Variants in PAPOLA observed in about 807,000 individuals in gnomAD.
The protein encoded by PAPOLA is polynucleotide adenylyltransferase alpha.
PAPOLA carries 15 observed loss-of-function variants against 100.6 expected under a neutral mutation model. The ratio of observed to expected loss-of-function variants is 0.15; its 90% confidence interval spans 0.10 to 0.23. PAPOLA has a LOEUF of 0.23. PAPOLA is among the 10% of genes least tolerant of loss of function. PAPOLA has a pLI of 1.00. For missense variants in PAPOLA, 533 were observed against 884.2 expected, an observed-to-expected ratio of 0.60 and a Z score of 5.04; for synonymous variants, 293 against 300.0, an observed-to-expected ratio of 0.98 and a Z score of 0.24.
chr14:96,506,126 T>C (rs1297180960), intron 1 of PAPOLA, among the ~76,000 whole-genome samples: 9 of 152,126 alleles, frequency 5.9e-5, no homozygotes, highest in Non-Finnish European at 1.2e-4. Flanking sequence ...ATGGTCTCGA[T>C]TTCCTGACCT....
intron 9 of PAPOLA, 108 bp downstream of exon 9, chr14:96,532,757 A>G: frequency 7.0e-7 from 1 of 1,431,708 alleles, no homozygotes; most frequent in Non-Finnish European, 9.1e-7. Flanking sequence ...TTAGTTCATG[A>G]TGTAGTCATG....
chr14:96,527,357 T>G (rs1203846478), intron 4 of PAPOLA, 73 bp from the exon 5 acceptor site: 1 of 876,778 alleles, frequency 1.1e-6, no homozygotes, highest in African/African-American at 1.7e-5. Flanking sequence ...CAACATCAAA[T>G]ACTACCATGA....
At chr14:96,512,205 T>C (rs1566833101) in intron 1 of PAPOLA, among the ~76,000 whole-genome samples, 1 of 152,190 alleles carries the variant, frequency 6.6e-6, no homozygotes, top group East Asian at 1.9e-4. Context: ...TTTTACGGTC[T>C]CAATTCTGCT....
chr14:96,555,870 T>C lies in PAPOLA; in HGVS notation c.1688T>C (p.Val563Ala), dbSNP rs866083850. The C allele has an allele frequency of 6.2e-7, 1 of 1,605,474 alleles. No individual in the cohort carries two copies. Among genetic ancestry groups the C allele is most frequent in the Non-Finnish European group, 8.5e-7 (1 of 1,173,176 alleles). ...AGCAGAAACAGTCCTGCTCCAGCTG[T>C]AACAGCAGCATCTGTGACCAACATA... The part of the protein sequence containing the change: ...SQGRNSPAPA[V>A]TAASVTNIQA... Residue 563 changes from valine (V) to alanine (A), a missense_variant, in exon 18 of 22, where the codon GTA (valine) becomes GCA (alanine). Around this residue, in one of 9 missense-constraint regions of PAPOLA, gnomAD observed 242 missense variants for 281.0 expected, o/e 0.86. Coordinates refer to ENST00000216277, the MANE Select transcript of PAPOLA (RefSeq NM_032632.5).
At chr14:96,503,664 T>C (rs1209234305) in intron 1 of PAPOLA, among the ~76,000 whole-genome samples, 1 of 152,228 alleles carries the variant, frequency 6.6e-6, no homozygotes, top group East Asian at 1.9e-4. Flanking sequence ...ACGCAACATG[T>C]AATTGACACT....
At chr14:96,554,884 A>G (rs1901166511) in intron 17 of PAPOLA, among the ~76,000 whole-genome samples, 1 of 152,144 alleles carries the variant, frequency 6.6e-6, no homozygotes, top group African/African-American at 2.4e-5. Flanking sequence ...AGGAAAGAAT[A>G]GGGGTTAATT....
chr14:96,557,731 G>A (rs1595558839), intron 19 of PAPOLA, among the ~76,000 whole-genome samples: 1 of 149,826 alleles, frequency 6.7e-6, no homozygotes, highest in East Asian at 1.9e-4. Flanking sequence ...CTTATTCTCT[G>A]AAGACTTTTT....
intron 14 of PAPOLA, among the ~76,000 whole-genome samples, chr14:96,543,851 AG>A (rs1267006154): frequency 6.6e-6 from 1 of 152,022 alleles, no homozygotes; most frequent in Admixed American, 6.6e-5. Context: ...ATTAGTTTAA[AG>A]ATAATTTTTC....
chr14:96,559,596 T>TATATAC lies in PAPOLA; in HGVS notation c.2005-1052_2005-1051insTATACA, dbSNP rs1426338442. ...CTCTCTCTCTCTATATATATATATA[T>TATATAC]ACACACACACATATATATATGTATA... is the stretch of plus-strand genomic sequence containing the variant. On this transcript the variant is annotated intron_variant, in intron 19 of 21. Transcript: ENST00000216277. Among the ~76,000 whole-genome samples the TATATAC allele has an allele frequency of 8.4e-3, 1,221 of 145,340 alleles. 6 individuals are homozygous for TATATAC. The highest frequency in any genetic ancestry group is 0.011 in the Admixed American group (165 of 14,562).
In PAPOLA at chr14:96,529,451, G is replaced by A. The variant is rs1595524192; in HGVS notation, c.495+1445G>A. On this transcript the variant is annotated intron_variant, in intron 6 of 21. Transcript: ENST00000216277. Reference sequence around the variant, plus strand: ...AAAAAGTGATCTAGTAGCCAGGCACGGTGGCTCATGCCTGTAATCCCAGCA... The same window carrying A: ...AAAAAGTGATCTAGTAGCCAGGCACAGTGGCTCATGCCTGTAATCCCAGCA... Among the ~76,000 whole-genome samples, 3 of 151,464 alleles carry A rather than the reference G, an allele frequency of 2.0e-5. No individual in the cohort carries two copies. The South Asian group carries it at 6.3e-4, about 32-fold the overall frequency.
chr14:96,532,261 G>GT (rs968829240), intron 7 of PAPOLA, 70 bp from the exon 8 acceptor site: 1,741 of 1,390,568 alleles, frequency 1.3e-3, no homozygotes, highest in South Asian at 3.1e-3. Flanking sequence ...ATTTAATGTT[G>GT]TTTTTTTTTG....
intron 1 of PAPOLA, chr14:96,504,608 G>A (rs1896583505): frequency 6.6e-6 from 1 of 152,306 alleles, no homozygotes; most frequent in African/African-American, 2.4e-5. Flanking sequence ...GGTTGAGGTG[G>A]GAGGACTGCT....
chr14:96,529,591 G>A (rs747900729), intron 6 of PAPOLA, among the ~76,000 whole-genome samples: 3 of 151,874 alleles, frequency 2.0e-5, no homozygotes, highest in Non-Finnish European at 4.4e-5. Flanking sequence ...GCATGGTGGC[G>A]TGTGCCTGTA....
intron 4 of PAPOLA, chr14:96,527,167 A>G (rs1008947816): frequency 2.3e-6 from 1 of 436,108 alleles, no homozygotes; most frequent in African/African-American, 2.0e-5. Flanking sequence ...CCACCATGAA[A>G]GTACTTGCTG....
At chr14:96,516,713 G>T (rs920304560) in intron 1 of PAPOLA, among the ~76,000 whole-genome samples, 1 of 152,200 alleles carries the variant, frequency 6.6e-6, no homozygotes, top group African/African-American at 2.4e-5. Context: ...GAGGCTAGAT[G>T]ATGTGCCTAC....
chr14:96,560,113 T>C (rs918740342), intron 19 of PAPOLA, among the ~76,000 whole-genome samples: 1 of 152,166 alleles, frequency 6.6e-6, no homozygotes, highest in African/African-American at 2.4e-5. Context: ...GAGAAAATAG[T>C]GTCAAAATAG....
intron 12 of PAPOLA, among the ~76,000 whole-genome samples, chr14:96,541,029 A>G (rs1408587039): frequency 1.3e-5 from 2 of 152,140 alleles, no homozygotes; most frequent in Non-Finnish European, 2.9e-5. Flanking sequence ...AGCTGGGACT[A>G]TAGGTGCTCA....
At chr14:96,515,584 G>A (rs1328220146) in intron 1 of PAPOLA, among the ~76,000 whole-genome samples, 1 of 152,188 alleles carries the variant, frequency 6.6e-6, no homozygotes, top group Non-Finnish European at 1.5e-5. Context: ...TATTTTTATA[G>A]AGTAGAGAGC....
chr14:96,523,899 C>T (rs895128148), intron 3 of PAPOLA, among the ~76,000 whole-genome samples: 11 of 151,018 alleles, frequency 7.3e-5, no homozygotes, highest in South Asian at 2.1e-4. Flanking sequence ...GCCGAGATTG[C>T]GCCCGTTGCA....
Sources: allele counts gnomAD v4.1 joint callset (sites outside exome capture counted in the v4.1 genomes callset), GRCh38; gene constraint gnomAD v4.1.1; regional missense constraint gnomAD v4.1.1; transcripts MANE v1.5; gene names NCBI Gene and HGNC (gene_info 2026-07-23, HGNC 2026-07-21).